CSMD3: variants seen among roughly 807,000 people sequenced by gnomAD.
CSMD3 encodes CUB and Sushi multiple domains 3.
CSMD3 carries 177 observed loss-of-function variants against 435.2 expected under a neutral mutation model. The observed-to-expected ratio is 0.41, with a 90% CI of 0.36 to 0.46. The LOEUF (loss-of-function observed/expected upper bound fraction) is 0.46. Among genes scored for constraint, CSMD3 ranks in the 20% least tolerant of loss-of-function variants. The pLI, the probability that CSMD3 is intolerant of heterozygous loss-of-function variation, is 0.34. For missense variants in CSMD3, 4,265 were observed against 4,504.6 expected (o/e 0.95, Z 1.52); for synonymous variants, 1,656 against 1,520.5 (o/e 1.09, Z -2.07).
intron 3 of CSMD3, among the ~76,000 whole-genome samples, chr8:113,256,688 G>A (rs2093383450): frequency 6.6e-6 from 1 of 152,124 alleles, no homozygotes; most frequent in Admixed American, 6.6e-5. Context: ...CCTACTTAAG[G>A]AGGAGTAGGA....
At chr8:113,375,080 CA>C (rs2094372903) in intron 1 of CSMD3, among the ~76,000 whole-genome samples, 1 of 151,902 alleles carries the variant, frequency 6.6e-6, no homozygotes, top group South Asian at 2.1e-4. Flanking sequence ...AGAAGTTTAC[CA>C]AAATTTCTCT....
At chr8:112,804,601 A>G (rs2079035777) in intron 12 of CSMD3, among the ~76,000 whole-genome samples, 1 of 152,246 alleles carries the variant, frequency 6.6e-6, no homozygotes, top group South Asian at 2.1e-4. Context: ...CAGATGTGGG[A>G]ACTGATGATA....
Position 112,503,759 on chromosome 8 carries a change from C to A in CSMD3, c.5083+31G>T, listed in dbSNP as rs1363657070. Reference sequence around the variant, plus strand: ...TGTATAAAATATCTATAATTTAAATCATGATACTAACATGGAATGTTCATA... The same window carrying A: ...TGTATAAAATATCTATAATTTAAATAATGATACTAACATGGAATGTTCATA... On this transcript the variant is annotated intron_variant, in intron 30 of 70. Transcript: ENST00000297405. The A allele has an allele frequency of 2.7e-6, 4 of 1,480,198 alleles. No homozygotes were observed. In the African/African-American group the frequency reaches 5.5e-5, roughly 21 times the overall value. 91.7% of individuals were successfully genotyped at this position (1,480,198 alleles called of 1,614,324 possible).
chr8:113,422,211 T>C (rs1265480494), intron 1 of CSMD3, among the ~76,000 whole-genome samples: 4 of 152,168 alleles, frequency 2.6e-5, no homozygotes, highest in Admixed American at 1.3e-4. Flanking sequence ...ATATGCACAG[T>C]AGAAAATTCT....
intron 32 of CSMD3, among the ~76,000 whole-genome samples, chr8:112,436,383 A>G (rs1457171350): frequency 6.6e-6 from 1 of 151,954 alleles, no homozygotes; most frequent in Admixed American, 6.6e-5. Context: ...TAGGACAAAG[A>G]CATGAGGTAT....
chr8:113,384,743 C>G (rs1054821483), intron 1 of CSMD3, among the ~76,000 whole-genome samples: 1 of 152,128 alleles, frequency 6.6e-6, no homozygotes, highest in African/African-American at 2.4e-5. Context: ...AAAAACAAAG[C>G]AAGAATACAG....
chr8:112,853,020 A>G (rs969234873), intron 11 of CSMD3, among the ~76,000 whole-genome samples: 1 of 152,204 alleles, frequency 6.6e-6, no homozygotes, highest in African/African-American at 2.4e-5. Flanking sequence ...TTATATATTT[A>G]CATTTCAAAT....
intron 1 of CSMD3, among the ~76,000 whole-genome samples, chr8:113,388,028 C>G (rs1444776099): frequency 6.6e-6 from 1 of 151,574 alleles, no homozygotes; most frequent in Non-Finnish European, 1.5e-5. Flanking sequence ...ACCAGATATC[C>G]CGCTATGTTT....
chr8:113,420,937 A>G (rs2094606232), intron 1 of CSMD3, among the ~76,000 whole-genome samples: 1 of 152,118 alleles, frequency 6.6e-6, no homozygotes, highest in Non-Finnish European at 1.5e-5. Flanking sequence ...TCCGTTTAAA[A>G]AAAAAAAAGA....
At chr8:113,037,973 A>C (rs2131271800) in intron 5 of CSMD3, among the ~76,000 whole-genome samples, 1 of 152,276 alleles carries the variant, frequency 6.6e-6, no homozygotes, top group African/African-American at 2.4e-5. Flanking sequence ...TTTGGAAAAT[A>C]ATGGAAACAC....
chr8:113,132,527 T>C (rs1482861491), intron 4 of CSMD3, among the ~76,000 whole-genome samples: 3 of 152,120 alleles, frequency 2.0e-5, no homozygotes, highest in Admixed American at 2.0e-4. Flanking sequence ...CGCTAAGATG[T>C]ACCTGCTTCC....
At position 113,355,749 on chromosome 8, in the gene CSMD3, T is replaced by TATATAC. The variant is rs1357514892; in HGVS notation, c.179-40957_179-40956insGTATAT. Among the ~76,000 whole-genome samples the TATATAC allele has an allele frequency of 3.6e-3, 291 of 81,292 alleles. 1 individual carries two copies. The highest frequency in any genetic ancestry group is 0.013 in the African/African-American group (234 of 17,976). The allele number at this position is 81,292 out of a possible 152,430, so 53.3% of individuals were successfully genotyped here. A position where few individuals can be genotyped will look rare whatever the true frequency, so the allele number is the denominator to read the frequency against. On this transcript the variant is annotated intron_variant, in intron 1 of 70. Coordinates refer to ENST00000297405, the MANE Select transcript of CSMD3 (RefSeq NM_198123.2). Reference sequence around the variant, plus strand: ...ATATATATATATATATATATATATATACACACACACACACACACGGGGTGT... The same window carrying TATATAC: ...ATATATATATATATATATATATATATATATACACACACACACACACACACGGGGTGT...
At chr8:112,341,881 C>G (rs113180541) in intron 41 of CSMD3, among the ~76,000 whole-genome samples, 195 bp from the exon 42 acceptor site, 6 of 152,212 alleles carry the variant, frequency 3.9e-5, no homozygotes, top group African/African-American at 1.4e-4. Flanking sequence ...TAAAAGAATA[C>G]TGCTCTCACA....
chr8:112,980,775 G>A (rs115135943), intron 6 of CSMD3, among the ~76,000 whole-genome samples: 2,095 of 151,542 alleles, frequency 0.014, 43 homozygotes, highest in African/African-American at 0.046. Flanking sequence ...TTCATTAAGC[G>A]TATGCTAGTT....
At chr8:113,340,880 A>G (rs1220786991) in intron 1 of CSMD3, among the ~76,000 whole-genome samples, 1 of 151,988 alleles carries the variant, frequency 6.6e-6, no homozygotes, top group African/African-American at 2.4e-5. Context: ...AAAAAAAAAA[A>G]AAGGGAAATA....
chr8:113,013,396 T>C (rs1587886199), intron 6 of CSMD3, among the ~76,000 whole-genome samples: 1 of 152,078 alleles, frequency 6.6e-6, no homozygotes, highest in Admixed American at 6.6e-5. Flanking sequence ...CATATGTTAT[T>C]ATCTCTTTCC....
At position 112,986,275 on chromosome 8, in the gene CSMD3, A is replaced by G. The variant is rs550199477; in HGVS notation, c.1031-10127T>C. On this transcript the variant is annotated intron_variant, in intron 6 of 70. Coordinates refer to ENST00000297405, the MANE Select transcript of CSMD3 (RefSeq NM_198123.2). ...AATTCAACTGGGCATTCTGTATATT[A>G]TCTGGAAACTCTACCTTGATATTAA... is the stretch of plus-strand genomic sequence containing the variant. 3.9e-5 allele frequency among the ~76,000 whole-genome samples: 6 copies of G among 152,308 alleles called. No individual in the cohort carries two copies. In the South Asian group the frequency reaches 1.2e-3, roughly 32 times the overall value.
At chr8:112,615,039 GA>G (rs1296903744) in intron 22 of CSMD3, among the ~76,000 whole-genome samples, 3 of 151,956 alleles carry the variant, frequency 2.0e-5, no homozygotes, top group African/African-American at 7.2e-5. Flanking sequence ...TCTAGGGCTA[GA>G]AAATAACAAC....
intron 28 of CSMD3, 82 bp downstream of exon 28, chr8:112,516,952 G>T: frequency 1.9e-6 from 2 of 1,063,524 alleles, no homozygotes; most frequent in Non-Finnish European, 1.4e-6. Flanking sequence ...ATCTAGTCTA[G>T]AATATGGTTC....
Sources: gnomAD v4.1 joint callset for allele counts (sites outside exome capture counted in the v4.1 genomes callset) on GRCh38, gnomAD v4.1.1 for gene constraint, MANE v1.5 for transcripts, NCBI Gene and HGNC (gene_info 2026-07-23, HGNC 2026-07-21) for gene names.